Variants in RBFOX1 observed in about 807,000 individuals in gnomAD.
The protein encoded by RBFOX1 is RNA binding protein fox-1 homolog 1.
Under a neutral mutation model 57.7 loss-of-function variants are expected in RBFOX1, and 8 were observed. That is an observed-to-expected ratio of 0.14 (90% CI 0.08 to 0.25). The LOEUF (loss-of-function observed/expected upper bound fraction) is 0.25. RBFOX1 is among the 10% of genes least tolerant of loss of function. RBFOX1 has a pLI of 1.00. For missense variants in RBFOX1, 611 were observed against 548.5 expected, an observed-to-expected ratio of 1.11 and a Z score of -1.14; for synonymous variants, 326 against 222.4, an observed-to-expected ratio of 1.47 and a Z score of -4.15.
chr16:5,589,508 T>C (rs556463524), intron 2 of RBFOX1, among the ~76,000 whole-genome samples: 43 of 152,276 alleles, frequency 2.8e-4, no homozygotes, highest in African/African-American at 9.1e-4. Context: ...AAGGTAAGTA[T>C]CTTGTCCAAG....
At chr16:6,511,587 T>C (rs899922186) in intron 2 of RBFOX1, among the ~76,000 whole-genome samples, 8 of 152,318 alleles carry the variant, frequency 5.3e-5, no homozygotes, top group African/African-American at 1.7e-4. Flanking sequence ...CCATTGTGAA[T>C]AGTCCTCATA....
intron 3 of RBFOX1, among the ~76,000 whole-genome samples, chr16:5,618,437 A>C (rs1028762583): frequency 6.6e-6 from 1 of 152,004 alleles, no homozygotes; most frequent in Non-Finnish European, 1.5e-5. Context: ...CACCAGGTTC[A>C]CGCCATTCTC....
chr16:5,584,426 T>G, intron 2 of RBFOX1, among the ~76,000 whole-genome samples: 1 of 152,222 alleles, frequency 6.6e-6, no homozygotes, highest in East Asian at 1.9e-4. Context: ...TTTGCCAGAC[T>G]TCTTGATGTT....
At chr16:7,577,073 G>C (rs1239256375) in intron 5 of RBFOX1, among the ~76,000 whole-genome samples, 1 of 152,210 alleles carries the variant, frequency 6.6e-6, no homozygotes, top group Non-Finnish European at 1.5e-5. Flanking sequence ...TTACAGTGTT[G>C]CTCTTCGACT....
intron 1 of RBFOX1, among the ~76,000 whole-genome samples, chr16:6,025,650 T>C (rs1012754416): frequency 1.3e-5 from 2 of 152,084 alleles, no homozygotes; most frequent in African/African-American, 4.8e-5. Flanking sequence ...CCTTTCAGAG[T>C]ATGGCCACAG....
chr16:5,828,120 G>A (rs1214254265), intron 3 of RBFOX1, among the ~76,000 whole-genome samples: 1 of 150,530 alleles, frequency 6.6e-6, no homozygotes, highest in Non-Finnish European at 1.5e-5. Flanking sequence ...AATCCACTCA[G>A]CCACCTATCC....
intron 4 of RBFOX1, among the ~76,000 whole-genome samples, chr16:7,269,853 T>G (rs1445007783): frequency 6.6e-6 from 1 of 152,246 alleles, no homozygotes; most frequent in Non-Finnish European, 1.5e-5. Context: ...TTGAACTGGT[T>G]GTGCCCCTGC....
intron 4 of RBFOX1, among the ~76,000 whole-genome samples, chr16:7,249,874 C>A (rs1371223845): frequency 2.0e-5 from 3 of 152,184 alleles, no homozygotes; most frequent in Non-Finnish European, 4.4e-5. Context: ...CCTTTTGATA[C>A]ACATTGTTAA....
chr16:5,342,158 A>G (rs913662140), intron 1 of RBFOX1, among the ~76,000 whole-genome samples: 1 of 152,160 alleles, frequency 6.6e-6, no homozygotes, highest in Non-Finnish European at 1.5e-5. Context: ...TGCTTTGCAT[A>G]TATGTTCATT....
chr16:6,487,708 T>A (rs1370320006), intron 2 of RBFOX1, among the ~76,000 whole-genome samples: 145 of 4,308 alleles, frequency 0.034, 2 homozygotes, highest in South Asian at 0.074. Flanking sequence ...AAAATATATA[T>A]ATATATATAT....
chr16:5,580,241 A>G (rs1487014787), intron 2 of RBFOX1, among the ~76,000 whole-genome samples: 2 of 152,186 alleles, frequency 1.3e-5, no homozygotes, highest in African/African-American at 2.4e-5. Flanking sequence ...CTGAAGAGCC[A>G]GTGAGGGCAG....
intron 15 of RBFOX1, chr16:7,710,113 C>T: frequency 9.9e-7 from 1 of 1,005,698 alleles, no homozygotes; most frequent in Non-Finnish European, 1.2e-6. Flanking sequence ...TTACATCAAG[C>T]AATTCATCTG....
intron 3 of RBFOX1, among the ~76,000 whole-genome samples, chr16:6,837,689 G>A (rs1263866811): frequency 1.3e-5 from 2 of 152,134 alleles, no homozygotes; most frequent in Non-Finnish European, 2.9e-5. Context: ...ATTAAATAAT[G>A]TGCTAATCAC....
At chr16:6,837,708 TTG>T (rs1169361492) in intron 3 of RBFOX1, among the ~76,000 whole-genome samples, 2 of 152,214 alleles carry the variant, frequency 1.3e-5, no homozygotes, top group Admixed American at 1.3e-4. Context: ...ACTGTGGGCA[TTG>T]TGCAAGTTCA....
At chr16:7,018,810 A>G (rs1407470049) in intron 3 of RBFOX1, among the ~76,000 whole-genome samples, 1 of 151,940 alleles carries the variant, frequency 6.6e-6, no homozygotes, top group African/African-American at 2.4e-5. Context: ...GAAGAAATAC[A>G]ACGTCTACAG....
At position 6,631,738 on chromosome 16, in the gene RBFOX1, G is replaced by T. The variant is rs143329112; in HGVS notation, c.-63-22865G>T. Among the ~76,000 whole-genome samples the T allele has an allele frequency of 2.2e-3, 341 of 152,262 alleles. 1 individual carries two copies. Among genetic ancestry groups the T allele is most frequent in the African/African-American group, 7.9e-3 (330 of 41,538 alleles). The stretch of plus-strand genomic sequence containing the variant: ...GGGGGAAGAGCTCACTGATGAGCTG[G>T]TGTCTGAACTGACCTTGGGGTAGGG... On this transcript the variant is annotated intron_variant, in intron 2 of 15. Transcript: ENST00000550418.
At chr16:7,050,510 C>G (rs762896015) in intron 3 of RBFOX1, among the ~76,000 whole-genome samples, 9 of 152,084 alleles carry the variant, frequency 5.9e-5, no homozygotes, top group Non-Finnish European at 8.8e-5. Flanking sequence ...ACATGATCCA[C>G]CCGCCTTGGC....
intron 1 of RBFOX1, among the ~76,000 whole-genome samples, chr16:6,039,862 G>A (rs954251160): frequency 7.9e-5 from 12 of 152,324 alleles, no homozygotes; most frequent in African/African-American, 1.2e-4. Flanking sequence ...AGGCTCAGCC[G>A]GGGCTGGAGG....
intron 2 of RBFOX1, among the ~76,000 whole-genome samples, chr16:6,464,031 T>C (rs2094982584): frequency 6.6e-6 from 1 of 152,208 alleles, no homozygotes. Flanking sequence ...ATTTCACTGT[T>C]CCTGATTAAT....
Sources: gnomAD v4.1 joint callset for allele counts (sites outside exome capture counted in the v4.1 genomes callset) on GRCh38, gnomAD v4.1.1 for gene constraint, MANE v1.5 for transcripts, NCBI Gene and HGNC (gene_info 2026-07-23, HGNC 2026-07-21) for gene names.